The following BEND2 variants were observed in gnomAD, a reference collection of about 807,000 sequenced individuals.
BEND2 encodes the protein BEN domain-containing protein 2.
Under a neutral mutation model 43.8 loss-of-function variants are expected in BEND2, and 19 were observed. The ratio of observed to expected loss-of-function variants is 0.43; its 90% CI spans 0.30 to 0.64. BEND2 has a LOEUF of 0.64. Ranked by LOEUF, BEND2 falls within the 30% of genes least tolerant of loss-of-function variation. The pLI is 0.11. For synonymous variants in BEND2, 226 were observed against 210.1 expected (o/e 1.08, Z -0.66); for missense variants, 544 against 574.0 (o/e 0.95, Z 0.53).
chrX:18,175,843 A>G (rs1924128626), intron 11 of BEND2, 129 bp downstream of exon 11: 2 of 553,127 alleles, frequency 3.6e-6, no homozygotes, highest in Non-Finnish European at 5.3e-6. Context: ...AGAACATCCC[A>G]TGCCCCCTAA....
chrX:18,175,047 C>T (rs1459563274), intron 11 of BEND2, among the ~76,000 whole-genome samples: 1 of 111,851 alleles, frequency 8.9e-6, no homozygotes, highest in Non-Finnish European at 1.9e-5. Context: ...TGCTTCTCTT[C>T]TGACACCTAA....
intron 4 of BEND2, among the ~76,000 whole-genome samples, chrX:18,205,373 G>A (rs1209535323): frequency 2.8e-5 from 3 of 107,968 alleles, no homozygotes; most frequent in African/African-American, 1.0e-4. Flanking sequence ...AGACCAGCCT[G>A]AGCAATACAG....
At chrX:18,177,877 A>C in intron 9 of BEND2, 108 bp from the exon 10 acceptor site, 1 of 701,747 alleles carries the variant, frequency 1.4e-6, no homozygotes, top group Non-Finnish European at 2.1e-6. Flanking sequence ...TCTTCAAATA[A>C]GGCAAATGCA....
At chrX:18,217,922 A>AAT (rs1569129133) in intron 1 of BEND2, among the ~76,000 whole-genome samples, 41 of 104,521 alleles carry the variant, frequency 3.9e-4, no homozygotes, top group African/African-American at 1.4e-3. Flanking sequence ...CTCTACCAAA[A>AAT]AATAATAATA....
At chrX:18,174,468 T>G (rs1924080808) in intron 11 of BEND2, among the ~76,000 whole-genome samples, 1 of 112,310 alleles carries the variant, frequency 8.9e-6, no homozygotes, top group Admixed American at 9.5e-5. Context: ...GACCTGCTGC[T>G]CCTTGGAGGA....
Position 18,203,508 on chromosome X carries a change from G to A in BEND2, c.900C>T (p.Pro300=). 1.7e-6 allele frequency: 2 copies of A among 1,203,506 alleles called. No homozygotes were observed. The highest frequency in any genetic ancestry group is 3.6e-5 in the South Asian group (2 of 56,135). Residue 300 remains proline, a synonymous_variant, in exon 5 of 14, where the codon CCC becomes CCT. Transcript: ENST00000380033. The part of the protein sequence containing the change: ...GRALSSFCFH[P]NLEMPERPAN... ...GTGTCATTTCAAACTCACCCAAATT[G>A]GGATGGAAGCAGAAAGATGACAAGG...
chrX:18,177,594 G>A lies in BEND2; in HGVS notation c.1605C>T (p.Asp535=). 3 of 1,210,675 alleles carry A rather than the reference G, an allele frequency of 2.5e-6. No individual in the cohort carries two copies. The highest frequency in any genetic ancestry group is 3.4e-6 in the Non-Finnish European group (3 of 894,872). ...CTCTCAATGCAGCCATTTTGTTCGG[G>A]TCGAGGGATTGGCTGTCTTTCAAAT... ...DIHLKDSQSL[D]PNKMAALREY... The change falls in exon 10 of 14, where the codon GAC becomes GAT. Residue 535 remains aspartate (D), a synonymous_variant. Coordinates refer to ENST00000380033, the MANE Select transcript of BEND2 (RefSeq NM_153346.5).
At chrX:18,168,677 C>T (rs1243050380) in intron 13 of BEND2, among the ~76,000 whole-genome samples, 2 of 111,544 alleles carry the variant, frequency 1.8e-5, no homozygotes, top group Admixed American at 1.9e-4. Context: ...ATTAAGAGCC[C>T]TTAAGTGATA....
intron 2 of BEND2, 48 bp downstream of exon 2, chrX:18,216,473 G>A (rs1399538143): frequency 6.5e-6 from 7 of 1,069,776 alleles, no homozygotes; most frequent in Non-Finnish European, 9.1e-6. Flanking sequence ...ACTGGAAATG[G>A]GGACCAGAGA....
intron 10 of BEND2, 39 bp from the exon 11 acceptor site, chrX:18,176,132 A>T (rs1221938378): frequency 8.6e-7 from 1 of 1,159,585 alleles, no homozygotes; most frequent in East Asian, 3.0e-5. Flanking sequence ...ATTAGAAAAA[A>T]AAATTAACAA....
chrX:18,180,800 T>C, intron 8 of BEND2, 150 bp from the exon 9 acceptor site: 1 of 464,422 alleles, frequency 2.2e-6, no homozygotes, highest in Non-Finnish European at 3.6e-6. Flanking sequence ...TTTCTTTTTT[T>C]TTTAGACTAT....
chrX:18,167,362 C>T (rs997551720), intron 13 of BEND2, among the ~76,000 whole-genome samples: 2 of 110,832 alleles, frequency 1.8e-5, no homozygotes, highest in African/African-American at 6.6e-5. Context: ...ATTGGAGAAA[C>T]ACAGTTCAGG....
At chrX:18,205,085 C>T (rs1167074965) in intron 4 of BEND2, among the ~76,000 whole-genome samples, 2 of 110,889 alleles carry the variant, frequency 1.8e-5, no homozygotes, top group Non-Finnish European at 3.8e-5. Context: ...ACGTGCCAAT[C>T]AAGCATATAT....
chrX:18,214,733 C>T (rs1925618340), intron 2 of BEND2, among the ~76,000 whole-genome samples: 2 of 99,640 alleles, frequency 2.0e-5, no homozygotes, highest in African/African-American at 7.5e-5. Context: ...GTCACTTGAG[C>T]CCGGGAGGCA....
At chrX:18,204,176 T>G (rs1925261337) in intron 4 of BEND2, among the ~76,000 whole-genome samples, 2 of 112,520 alleles carry the variant, frequency 1.8e-5, no homozygotes, top group African/African-American at 6.5e-5. Flanking sequence ...TATATGATTT[T>G]TATTCTTCTT....
intron 1 of BEND2, among the ~76,000 whole-genome samples, chrX:18,219,926 A>AAAACC (rs1306934495): frequency 9.0e-6 from 1 of 110,498 alleles, no homozygotes; most frequent in South Asian, 3.8e-4. Context: ...AAAACAAAAC[A>AAAACC]AAACCAAGCA....
At position 18,203,806 on chromosome X, in the gene BEND2, T is replaced by A. The variant is rs764104287; in HGVS notation, c.602A>T (p.Asp201Val). 1 of 1,210,903 alleles carries A rather than the reference T, an allele frequency of 8.3e-7. No homozygotes were observed. The highest frequency in any genetic ancestry group is 1.1e-6 in the Non-Finnish European group (1 of 894,608). Residue 201 changes from aspartate to valine, a missense_variant, in exon 5 of 14, where the codon GAC becomes GTC. Around this residue, in one of 2 missense-constraint regions of BEND2, gnomAD observed 501 missense variants for 501.6 expected, o/e 1.00. Transcript: ENST00000380033. ...SAACHELQEA[D>V]LSESLSYPRI... ...GGGATATGATAAACTCTCACTGAGG[T>A]CTGCTTCCTGCAGTTCATGACATGC...
intron 4 of BEND2, among the ~76,000 whole-genome samples, chrX:18,211,228 A>G (rs1458219786): frequency 1.8e-5 from 2 of 111,972 alleles, no homozygotes; most frequent in Non-Finnish European, 3.8e-5. Context: ...CAAATTATAT[A>G]TAGTTTAATA....
At chrX:18,198,168 A>G (rs1469653445) in intron 6 of BEND2, among the ~76,000 whole-genome samples, 1 of 111,071 alleles carries the variant, frequency 9.0e-6, no homozygotes, top group African/African-American at 3.3e-5. Context: ...TAAAACACCA[A>G]AAGCAATGGC....
Sources: gnomAD v4.1 joint callset for allele counts (sites outside exome capture counted in the v4.1 genomes callset) on GRCh38, gnomAD v4.1.1 for gene constraint, gnomAD v4.1.1 regional missense constraint, MANE v1.5 for transcripts, NCBI Gene and HGNC (gene_info 2026-07-23, HGNC 2026-07-21) for gene names.